The following ZPBP2 variants were observed in gnomAD, a reference collection of about 807,000 sequenced individuals.
The protein encoded by ZPBP2 is zona pellucida binding protein 2.
ZPBP2 carries 34 observed loss-of-function variants against 37.5 expected under a neutral mutation model. The observed-to-expected ratio is 0.91, with a 90% CI of 0.69 to 1.21. The LOEUF (loss-of-function observed/expected upper bound fraction) is 1.21. Ranked by LOEUF, ZPBP2 falls within the 50% of genes most tolerant of loss-of-function variation. The pLI is 0.00. For missense variants in ZPBP2, 397 were observed against 413.5 expected (o/e 0.96, Z 0.35); for synonymous variants, 143 against 138.4 (o/e 1.03, Z -0.23).
In ZPBP2 at chr17:39,868,305, T is replaced by C. The variant is rs576110420; in HGVS notation, c.-50T>C. 61 of 1,594,126 alleles carry C rather than the reference T, an allele frequency of 3.8e-5. No individual in the cohort carries two copies. In the Admixed American group the frequency reaches 1.0e-3, roughly 27 times the overall value. ...GGGAGGTGTTGGGCCAGGGCTGAGGTAGGAGGGAGTCTGTCCCTCGACGCC... is the reference window on the plus strand; with the variant it reads ...GGGAGGTGTTGGGCCAGGGCTGAGGCAGGAGGGAGTCTGTCCCTCGACGCC... On this transcript the variant is annotated 5_prime_UTR_variant, in exon 1 of 8. Coordinates refer to ENST00000348931, the MANE Select transcript of ZPBP2 (RefSeq NM_199321.3).
Position 39,876,905 on chromosome 17 carries a change from T to G in ZPBP2, c.*96T>G. The G allele has an allele frequency of 6.7e-7, 1 of 1,491,054 alleles. No individual in the cohort carries two copies. The highest frequency in any genetic ancestry group is 9.2e-7 in the Non-Finnish European group (1 of 1,087,960). The allele number at this position is 1,491,054 out of a possible 1,614,324, so 92.4% of individuals were successfully genotyped here. A position where few individuals can be genotyped will look rare whatever the true frequency, so the allele number is the denominator to read the frequency against. On this transcript the variant is annotated 3_prime_UTR_variant, in exon 8 of 8. Coordinates refer to ENST00000348931, the MANE Select transcript of ZPBP2 (RefSeq NM_199321.3). ...AGATAGTTCCATTAAGTAAAATCAGTAAGACCAAACCACTGGAAAACATGC... is the reference window on the plus strand; with the variant it reads ...AGATAGTTCCATTAAGTAAAATCAGGAAGACCAAACCACTGGAAAACATGC...
rs763969210 is a variant in ZPBP2, at chr17:39,872,360, T to G, written c.497T>G (p.Val166Gly). The G allele has an allele frequency of 5.1e-5, 83 of 1,613,236 alleles. No individual in the cohort carries two copies. The highest frequency in any genetic ancestry group is 6.5e-5 in the Non-Finnish European group (77 of 1,179,598). Residue 166 changes from valine (V) to glycine (G), a missense_variant, in exon 5 of 8, where the codon GTG becomes GGG. Val to Gly is a moderately radical substitution (Grantham distance 109). Coordinates refer to ENST00000348931, the MANE Select transcript of ZPBP2 (RefSeq NM_199321.3). Reference sequence around the variant, plus strand: ...AGATACAATGATGTATTCTTTAGAGTGCTGAAGAAAATCTTGGATAGTCTA... The same window carrying G: ...AGATACAATGATGTATTCTTTAGAGGGCTGAAGAAAATCTTGGATAGTCTA... ...IGRYNDVFFR[V>G]LKKILDSLIS...
chr17:39,874,578 C>G (rs1336305519), intron 6 of ZPBP2, among the ~76,000 whole-genome samples: 1 of 151,888 alleles, frequency 6.6e-6, no homozygotes, highest in East Asian at 1.9e-4. Flanking sequence ...ATTACAGGTG[C>G]CTGCCACTAC....
intron 6 of ZPBP2, among the ~76,000 whole-genome samples, chr17:39,874,550 G>C (rs540541420): frequency 1.5e-3 from 230 of 152,006 alleles, no homozygotes; most frequent in Non-Finnish European, 2.6e-3. Context: ...TTGTGCCTCA[G>C]CTTCCCGAGT....
intron 3 of ZPBP2, 65 bp from the exon 4 acceptor site, chr17:39,871,399 T>A: frequency 8.5e-7 from 1 of 1,172,130 alleles, no homozygotes. Context: ...TATTTGTAAC[T>A]CCAAGTGTAC....
In ZPBP2 at chr17:39,868,263, G is replaced by A. The variant is rs188226953; in HGVS notation, c.-92G>A. 2.4e-4 allele frequency: 347 copies of A among 1,465,902 alleles called. 2 individuals carry two copies. The African/African-American group carries it at 4.1e-3, about 17-fold the overall frequency. 90.8% of individuals were successfully genotyped at this position (1,465,902 alleles called of 1,614,324 possible). A position where few individuals can be genotyped will look rare whatever the true frequency, so the allele number is the denominator to read the frequency against. Reference sequence around the variant, plus strand: ...GGAGGCGACCCCGGCGTTCTGCTCCGCACTGTGGAGGAGGTGGGGAGGTGT... The same window carrying A: ...GGAGGCGACCCCGGCGTTCTGCTCCACACTGTGGAGGAGGTGGGGAGGTGT... On this transcript the variant is annotated 5_prime_UTR_variant, in exon 1 of 8. Coordinates refer to ENST00000348931, the MANE Select transcript of ZPBP2 (RefSeq NM_199321.3).
chr17:39,874,865 C>T (rs1159035730), intron 6 of ZPBP2, among the ~76,000 whole-genome samples: 1 of 152,262 alleles, frequency 6.6e-6, no homozygotes, highest in African/African-American at 2.4e-5. Flanking sequence ...ATTCTCCTGC[C>T]TCAGCCTCCT....
chr17:39,871,500 T>C lies in ZPBP2; in HGVS notation c.281T>C (p.Leu94Pro). 6.2e-7 allele frequency: 1 copy of C among 1,606,134 alleles called. No individual in the cohort carries two copies. Among genetic ancestry groups the C allele is most frequent in the Non-Finnish European group, 8.5e-7 (1 of 1,176,630 alleles). ...NRINITETGQ[L>P]MVKDFLEPLS... ...ATAAATATAACTGAAACTGGACAGC[T>C]GATGGTGAAAGATTTTTTGGAGCCT... is the stretch of plus-strand genomic sequence containing the variant. Residue 94 changes from leucine (L) to proline (P), a missense_variant, in exon 4 of 8, where the codon CTG (leucine) becomes CCG (proline). By Grantham distance (98) the Leu-to-Pro change is moderately conservative. Transcript: ENST00000348931.
intron 2 of ZPBP2, among the ~76,000 whole-genome samples, chr17:39,870,169 G>A (rs537291379): frequency 2.6e-5 from 4 of 152,082 alleles, no homozygotes; most frequent in African/African-American, 7.2e-5. Flanking sequence ...TCAGCCTCCC[G>A]GGTAGCTGGG....
chr17:39,872,269 G>T lies in ZPBP2; in HGVS notation c.407-1G>T. 6.4e-7 allele frequency: 1 copy of T among 1,573,740 alleles called. No homozygotes were observed. Among genetic ancestry groups the T allele is most frequent in the Non-Finnish European group, 8.6e-7 (1 of 1,165,312 alleles). ...CTCTCATCTTTCTTTTTTTTTTAAA[G>T]CCTATCGGGAACCTGATTATTCATA... is the stretch of plus-strand genomic sequence containing the variant. On this transcript the variant is annotated splice_acceptor_variant, in intron 4 of 7. Coordinates refer to ENST00000348931, the MANE Select transcript of ZPBP2 (RefSeq NM_199321.3). LOFTEE classifies it high-confidence loss of function.
At position 39,873,438 on chromosome 17, in the gene ZPBP2, T is replaced by G. The variant is rs1042554615; in HGVS notation, c.708+312T>G. Among the ~76,000 whole-genome samples, 4 of 152,226 alleles carry G rather than the reference T, an allele frequency of 2.6e-5. No homozygotes were observed. In the East Asian group the frequency reaches 7.7e-4, roughly 29 times the overall value. Reference sequence around the variant, plus strand: ...TATTTTTTAAAAAACGAATATAAAGTATTAATAATATTGATTTTTTAAGTA... The same window carrying G: ...TATTTTTTAAAAAACGAATATAAAGGATTAATAATATTGATTTTTTAAGTA... On this transcript the variant is annotated intron_variant, in intron 6 of 7. Transcript: ENST00000348931.
At position 39,868,586 on chromosome 17, in the gene ZPBP2, C is replaced by A. The variant is rs75027016; in HGVS notation, c.90C>A (p.Gly30=). 1 of 1,614,098 alleles carries A rather than the reference C, an allele frequency of 6.2e-7. No individual in the cohort carries two copies. The highest frequency in any genetic ancestry group is 1.7e-5 in the Admixed American group (1 of 60,010). The change falls in exon 2 of 8, where the codon GGC becomes GGA. Residue 30 remains glycine, a synonymous_variant. Transcript: ENST00000348931. The stretch of plus-strand genomic sequence containing the variant: ...GTTTTACCTTATTCAATAAGAAGGG[C>A]TTCATTTATGGCAAGACAGGACAGC... ...CPRFTLFNKK[G]FIYGKTGQPD... is the part of the protein sequence containing the mutation.
rs2063361457 is a variant in ZPBP2 at position 39,870,773 on chromosome 17, G to A, written c.198G>A (p.Val66=). 1 of 1,569,058 alleles carries A rather than the reference G, an allele frequency of 6.4e-7. No homozygotes were observed. The highest frequency in any genetic ancestry group is 8.7e-7 in the Non-Finnish European group (1 of 1,151,188). The change falls in exon 3 of 8, where the codon GTG becomes GTA. Residue 66 remains valine (V), a synonymous_variant. Coordinates refer to ENST00000348931, the MANE Select transcript of ZPBP2 (RefSeq NM_199321.3). Reference sequence around the variant, plus strand: ...TTAAGCTTTCTAAAAAAGAAATAGTGGACCCCACCTACTTATGGATTGGGC... The same window carrying A: ...TTAAGCTTTCTAAAAAAGAAATAGTAGACCCCACCTACTTATGGATTGGGC... ...MDFKLSKKEI[V]DPTYLWIGPN...
intron 4 of ZPBP2, 93 bp from the exon 5 acceptor site, chr17:39,872,177 T>G: frequency 1.1e-6 from 1 of 914,382 alleles, no homozygotes; most frequent in Non-Finnish European, 1.6e-6. Flanking sequence ...ATTGATGGGA[T>G]TTAGTATTAC....
In ZPBP2 at chr17:39,868,376, CT is replaced by C. The variant is rs777188040; in HGVS notation, c.23del (p.Leu8ProfsTer37). 1.9e-6 allele frequency: 3 copies of C among 1,610,256 alleles called. No homozygotes were observed. In the East Asian group the frequency reaches 6.7e-5, roughly 36 times the overall value. On this transcript the variant is annotated frameshift_variant, in exon 1 of 8. Transcript: ENST00000348931. LOFTEE classifies it high-confidence loss of function. MMRTCVL[L>X]SAVLWCLTGV... is the part of the protein sequence containing the mutation. ...AGCGATGATGCGAACGTGCGTCCTA[CT>C]CTCCGCGGTGCTCTGGTGCCTCACA...
intron 5 of ZPBP2, 148 bp downstream of exon 5, chr17:39,872,636 T>C (rs137968251): frequency 2.3e-4 from 137 of 585,564 alleles, no homozygotes; most frequent in Non-Finnish European, 3.8e-4. Flanking sequence ...TTAGCCTGTT[T>C]ATGGTTTTAA....
At chr17:39,870,196 A>T (rs558778645) in intron 2 of ZPBP2, among the ~76,000 whole-genome samples, 1 of 152,012 alleles carries the variant, frequency 6.6e-6, no homozygotes, top group Non-Finnish European at 1.5e-5. Flanking sequence ...GGCCCACATT[A>T]CCACGCCAAG....
chr17:39,876,734 C>T lies in ZPBP2; in HGVS notation c.942C>T (p.Thr314=). The change falls in exon 8 of 8, where the codon ACC becomes ACT. Residue 314 remains threonine (T), a synonymous_variant. Coordinates refer to ENST00000348931, the MANE Select transcript of ZPBP2 (RefSeq NM_199321.3). ...CTGATGTTAATGTAACTTGTCAGACCTGCGTTTCCGTCCTTACCTATGGAG... is the reference window on the plus strand; with the variant it reads ...CTGATGTTAATGTAACTTGTCAGACTTGCGTTTCCGTCCTTACCTATGGAG... ...FSPDVNVTCQ[T]CVSVLTYGAK... 3.1e-6 allele frequency: 5 copies of T among 1,613,910 alleles called. No homozygotes were observed. The highest frequency in any genetic ancestry group is 4.2e-6 in the Non-Finnish European group (5 of 1,179,926).
chr17:39,870,628 A>G (rs2063360593), intron 2 of ZPBP2, 66 bp from the exon 3 acceptor site: 2 of 941,376 alleles, frequency 2.1e-6, no homozygotes, highest in South Asian at 7.0e-5. Flanking sequence ...ACAAAATGGT[A>G]GGAGTATATT....
Sources: allele counts gnomAD v4.1 joint callset (sites outside exome capture counted in the v4.1 genomes callset), GRCh38; gene constraint gnomAD v4.1.1; transcripts MANE v1.5; gene names NCBI Gene and HGNC (gene_info 2026-07-23, HGNC 2026-07-21).